SHC3: variants seen among roughly 807,000 people sequenced by gnomAD.
SHC3 encodes SHC-transforming protein 3.
SHC3 carries 15 observed loss-of-function variants against 60.4 expected under a neutral mutation model. The observed-to-expected ratio is 0.25, with a 90% CI of 0.17 to 0.38. The LOEUF is 0.38. SHC3 is among the 10% of genes least tolerant of loss of function. SHC3 has a pLI of 1.00. For missense variants in SHC3, 677 were observed against 786.1 expected, an observed-to-expected ratio of 0.86 and a Z score of 1.66; for synonymous variants, 294 against 325.9, an observed-to-expected ratio of 0.90 and a Z score of 1.05.
At chr9:89,109,121 G>A in intron 2 of SHC3, 2 of 985,518 alleles carry the variant, frequency 2.0e-6, no homozygotes, top group South Asian at 9.4e-5. Flanking sequence ...CTGGGGATAG[G>A]AAATCCTCTA....
At chr9:89,031,642 G>A (rs1377800785) in intron 11 of SHC3, among the ~76,000 whole-genome samples, 3 of 152,046 alleles carry the variant, frequency 2.0e-5, no homozygotes, top group African/African-American at 7.2e-5. Context: ...TTTATCTGTT[G>A]ATGACACTTG....
chr9:89,033,068 CA>C (rs1285754804), intron 11 of SHC3, among the ~76,000 whole-genome samples: 1 of 147,850 alleles, frequency 6.8e-6, no homozygotes. Context: ...CAAATTTTCT[CA>C]ACAGTACTAC....
At chr9:89,134,872 G>A (rs2118177421) in intron 1 of SHC3, among the ~76,000 whole-genome samples, 1 of 152,208 alleles carries the variant, frequency 6.6e-6, no homozygotes, top group African/African-American at 2.4e-5. Flanking sequence ...GAAGACTGAA[G>A]TAATCTTTCT....
intron 6 of SHC3, among the ~76,000 whole-genome samples, chr9:89,058,423 TGTGGTGGAGGATG>T (rs989104408): frequency 7.4e-6 from 1 of 135,028 alleles, no homozygotes; most frequent in African/African-American, 2.8e-5. Flanking sequence ...TGGTATAGGA[TGTGGTGGAGGATG>T]GTGGTGGAGG....
At chr9:89,151,393 A>G (rs559691263) in intron 1 of SHC3, among the ~76,000 whole-genome samples, 1 of 152,026 alleles carries the variant, frequency 6.6e-6, no homozygotes, top group African/African-American at 2.4e-5. Context: ...CTCTGTCCTC[A>G]TTAATGGGAT....
At chr9:89,131,768 A>C (rs1314194191) in intron 1 of SHC3, among the ~76,000 whole-genome samples, 1 of 152,170 alleles carries the variant, frequency 6.6e-6, no homozygotes, top group Non-Finnish European at 1.5e-5. Flanking sequence ...TCAAAATAAT[A>C]AGAGCTATTT....
chr9:89,097,212 T>C (rs1825717905), intron 2 of SHC3, among the ~76,000 whole-genome samples: 1 of 152,130 alleles, frequency 6.6e-6, no homozygotes, highest in African/African-American at 2.4e-5. Context: ...TTAGCAGATA[T>C]TTTAGGTATT....
chr9:89,167,678 C>G (rs1316098004), intron 1 of SHC3, among the ~76,000 whole-genome samples: 1 of 152,196 alleles, frequency 6.6e-6, no homozygotes, highest in Non-Finnish European at 1.5e-5. Flanking sequence ...TTTGGTCAAA[C>G]CCAAATAGAA....
intron 1 of SHC3, among the ~76,000 whole-genome samples, chr9:89,164,240 T>G (rs1826752294): frequency 6.6e-6 from 1 of 152,166 alleles, no homozygotes; most frequent in African/African-American, 2.4e-5. Flanking sequence ...AGAGTCTCAC[T>G]TCATATGGAT....
chr9:89,065,928 T>A lies in SHC3; in HGVS notation c.784-348A>T, dbSNP rs1335527450. Among the ~76,000 whole-genome samples, 35 of 152,148 alleles carry A rather than the reference T, an allele frequency of 2.3e-4. 1 individual carries two copies. Among genetic ancestry groups the A allele is most frequent in the Admixed American group, 2.3e-3 (35 of 15,278 alleles). On this transcript the variant is annotated intron_variant, in intron 5 of 11. Transcript: ENST00000375835. ...TTGAGCAGCAAGGAGAAAAGGCATG[T>A]TGGATCGCCTGAGAAGCTTTAAACA...
intron 11 of SHC3, among the ~76,000 whole-genome samples, chr9:89,017,628 A>G (rs760902982): frequency 6.6e-6 from 1 of 152,248 alleles, no homozygotes; most frequent in Non-Finnish European, 1.5e-5. Context: ...AATGGCAACA[A>G]AAGCCAAAAT....
In SHC3 at chr9:89,052,113, A is replaced by C; in HGVS notation, c.886T>G (p.Ser296Ala). The change falls in exon 7 of 12, where the codon TCC becomes GCC. Residue 296 changes from serine (S) to alanine (A), a missense_variant. By Grantham distance (99) the Ser-to-Ala change is moderately conservative. Transcript: ENST00000375835. ...CGGAGCTCAAAGGCTTGTCCGATGG[A>C]GCCGATGACATCCTGGGCCAGCCCA... is the stretch of plus-strand genomic sequence containing the variant. ...CDGLAQDVIG[S>A]IGQAFELRFK... 6.2e-7 allele frequency: 1 copy of C among 1,614,114 alleles called. No individual in the cohort carries two copies. The highest frequency in any genetic ancestry group is 8.5e-7 in the Non-Finnish European group (1 of 1,179,990).
At chr9:89,110,576 T>G in intron 2 of SHC3, 2 of 611,794 alleles carry the variant, frequency 3.3e-6, no homozygotes. Flanking sequence ...CATTCTGAAG[T>G]TGATTTGTCA....
chr9:89,038,372 G>C (rs944481), intron 10 of SHC3, 84 bp from the exon 11 acceptor site: 634,917 of 1,403,000 alleles, frequency 0.45, 154,339 homozygotes, highest in East Asian at 0.98. Context: ...TACAGTGAGA[G>C]AGATGGAAAT....
intron 2 of SHC3, among the ~76,000 whole-genome samples, chr9:89,090,905 C>T (rs532024168): frequency 3.3e-5 from 5 of 152,162 alleles, no homozygotes; most frequent in South Asian, 4.1e-4. Context: ...ATGGAAATGA[C>T]GGGGTGGGGT....
chr9:89,008,474 C>A lies in SHC3; in HGVS notation c.*4973G>T, dbSNP rs938678833. On this transcript the variant is annotated 3_prime_UTR_variant, in exon 12 of 12. Coordinates refer to ENST00000375835, the MANE Select transcript of SHC3 (RefSeq NM_016848.6). Reference sequence around the variant, plus strand: ...CGAGATTTTTTGAAATGCAAATTCCCGGGCCCCACTCCAGACCTAGGGAGT... The same window carrying A: ...CGAGATTTTTTGAAATGCAAATTCCAGGGCCCCACTCCAGACCTAGGGAGT... 2.6e-5 allele frequency: 4 copies of A among 152,156 alleles called. No individual in the cohort carries two copies. Among genetic ancestry groups the A allele is most frequent in the Non-Finnish European group, 5.9e-5 (4 of 68,044 alleles). The allele number at this position is 152,156 out of a possible 1,614,324, so 9.4% of individuals were successfully genotyped here.
chr9:89,083,406 G>C (rs940339196), intron 2 of SHC3, among the ~76,000 whole-genome samples: 22 of 152,236 alleles, frequency 1.4e-4, no homozygotes, highest in African/African-American at 4.8e-4. Flanking sequence ...GCGCCAGCTG[G>C]CTGGGGCCAG....
chr9:89,089,709 C>T (rs1391736020), intron 2 of SHC3, among the ~76,000 whole-genome samples: 1 of 152,218 alleles, frequency 6.6e-6, no homozygotes, highest in Non-Finnish European at 1.5e-5. Context: ...CTCTTCCAGG[C>T]TTCAGAGCCA....
chr9:89,109,443 T>G (rs1825914506), intron 2 of SHC3: 2 of 985,376 alleles, frequency 2.0e-6, no homozygotes, highest in African/African-American at 1.7e-5. Flanking sequence ...CTCAGAGACA[T>G]GATGGAGTGA....
Sources: gnomAD v4.1 joint callset for allele counts (sites outside exome capture counted in the v4.1 genomes callset) on GRCh38, gnomAD v4.1.1 for gene constraint, MANE v1.5 for transcripts, NCBI Gene and HGNC (gene_info 2026-07-23, HGNC 2026-07-21) for gene names.